The following BICDL1 variants were observed in gnomAD, a reference collection of about 807,000 sequenced individuals.
BICDL1 encodes the protein BICD family like cargo adaptor 1.
BICDL1 carries 20 observed loss-of-function variants against 76.8 expected under a neutral mutation model. That is an observed-to-expected ratio of 0.26 (90% CI 0.18 to 0.38). The LOEUF is 0.38. Among genes scored for constraint, BICDL1 ranks in the 10% least tolerant of loss-of-function variants. BICDL1 has a pLI of 1.00. For synonymous variants in BICDL1, 383 were observed against 337.1 expected (o/e 1.14, Z -1.49); for missense variants, 700 against 798.6 (o/e 0.88, Z 1.49).
Position 120,055,963 on chromosome 12 carries a change from A to G in BICDL1, c.646-5747A>G, listed in dbSNP as rs376255989. ...CAAGCACAAAGATGGGTGAACAAAG[A>G]TATTTTTTGGAGCAATGTTCATAAT... On this transcript the variant is annotated intron_variant, in intron 2 of 9. Coordinates refer to ENST00000548673, the MANE Select transcript of BICDL1 (RefSeq NM_001367886.1). Among the ~76,000 whole-genome samples the G allele has an allele frequency of 5.9e-4, 90 of 152,340 alleles. 2 individuals carry two copies. The South Asian group carries it at 0.016, about 28-fold the overall frequency.
rs77714311 is a variant in BICDL1, at chr12:120,040,987, T to G, written c.646-20723T>G. On this transcript the variant is annotated intron_variant, in intron 2 of 9. Coordinates refer to ENST00000548673, the MANE Select transcript of BICDL1 (RefSeq NM_001367886.1). ...GTCTCAAACTCCTGACCTCAAGTCATCCACCTGTCTCACCCTCCCAAAGTG... is the reference window on the plus strand; with the variant it reads ...GTCTCAAACTCCTGACCTCAAGTCAGCCACCTGTCTCACCCTCCCAAAGTG... 2.8e-4 allele frequency among the ~76,000 whole-genome samples: 42 copies of G among 152,224 alleles called. No individual in the cohort carries two copies. The East Asian group carries it at 6.8e-3, about 24-fold the overall frequency.
At chr12:120,051,282 G>A (rs1173203180) in intron 2 of BICDL1, among the ~76,000 whole-genome samples, 2 of 152,074 alleles carry the variant, frequency 1.3e-5, no homozygotes, top group African/African-American at 2.4e-5. Context: ...TCCTGACTTC[G>A]TGATCTGCCT....
intron 2 of BICDL1, among the ~76,000 whole-genome samples, chr12:120,006,185 G>A (rs1397218317): frequency 6.6e-6 from 1 of 152,170 alleles, no homozygotes; most frequent in African/African-American, 2.4e-5. Flanking sequence ...ATCATGGAAT[G>A]GTGCCTGGAG....
intron 4 of BICDL1, 72 bp downstream of exon 4, chr12:120,064,951 C>T: frequency 6.6e-7 from 1 of 1,503,996 alleles, no homozygotes; most frequent in South Asian, 1.3e-5. Flanking sequence ...AAAGAAAAGG[C>T]TGGGAGGCCA....
chr12:120,084,955 C>T (rs900096484), intron 8 of BICDL1, among the ~76,000 whole-genome samples: 1 of 151,764 alleles, frequency 6.6e-6, no homozygotes, highest in Non-Finnish European at 1.5e-5. Flanking sequence ...CCCCTCCCTT[C>T]TGTTCTCTTT....
In BICDL1 at chr12:120,040,089, TTTTTC is replaced by T. The variant is rs548426958; in HGVS notation, c.646-21606_646-21602del. On this transcript the variant is annotated intron_variant, in intron 2 of 9. Transcript: ENST00000548673. ...TCTAAACTCTGTTATTCCATATTTC[TTTTTC>T]TTTTCTTTTCTTTTTTTTGTTCTTC... Among the ~76,000 whole-genome samples the T allele has an allele frequency of 8.5e-3, 1,295 of 152,182 alleles. 17 individuals are homozygous for T. The highest frequency in any genetic ancestry group is 0.029 in the African/African-American group (1,208 of 41,510).
chr12:120,073,816 ATGTGATGG>A (rs771514796), intron 6 of BICDL1, among the ~76,000 whole-genome samples: 2 of 152,248 alleles, frequency 1.3e-5, no homozygotes, highest in Admixed American at 6.5e-5. Flanking sequence ...AGCTGTCAGA[ATGTGATGG>A]TGTGCTATTC....
intron 2 of BICDL1, among the ~76,000 whole-genome samples, chr12:120,001,473 C>T (rs1481519365): frequency 6.6e-6 from 1 of 152,126 alleles, no homozygotes; most frequent in East Asian, 1.9e-4. Flanking sequence ...GTCTCGATCT[C>T]CTGACCTTGT....
intron 7 of BICDL1, among the ~76,000 whole-genome samples, chr12:120,078,631 A>G (rs1228931999): frequency 6.6e-6 from 1 of 152,154 alleles, no homozygotes; most frequent in East Asian, 1.9e-4. Flanking sequence ...AGTTATTTTT[A>G]TTTCCGCTTA....
chr12:120,088,092 C>T (rs919026239), intron 8 of BICDL1, among the ~76,000 whole-genome samples: 4 of 152,088 alleles, frequency 2.6e-5, no homozygotes, highest in Admixed American at 6.5e-5. Flanking sequence ...CCACCACGCC[C>T]GGCAAATTTT....
chr12:120,061,630 T>G, intron 2 of BICDL1, 80 bp from the exon 3 acceptor site: 1 of 951,786 alleles, frequency 1.1e-6, no homozygotes, highest in Non-Finnish European at 1.7e-6. Context: ...AAAGAGATGC[T>G]TGATAAATGA....
At chr12:120,004,113 C>T (rs74738126) in intron 2 of BICDL1, among the ~76,000 whole-genome samples, 3,520 of 152,234 alleles carry the variant, frequency 0.023, 144 homozygotes, top group African/African-American at 0.081. Context: ...CACTGTGCAG[C>T]CCTGATGGCT....
At chr12:120,003,959 C>T (rs1006605740) in intron 2 of BICDL1, among the ~76,000 whole-genome samples, 1 of 152,182 alleles carries the variant, frequency 6.6e-6, no homozygotes, top group African/African-American at 2.4e-5. Context: ...AAAGAACTCC[C>T]TGTCTGCAAC....
Position 120,074,536 on chromosome 12 carries a change from A to G in BICDL1, c.1402A>G (p.Arg468Gly), listed in dbSNP as rs1873383954. The G allele has an allele frequency of 1.2e-5, 15 of 1,276,392 alleles. No homozygotes were observed. The highest frequency in any genetic ancestry group is 1.5e-5 in the African/African-American group (1 of 65,276). 79.1% of individuals were successfully genotyped at this position (1,276,392 alleles called of 1,614,324 possible). A position where few individuals can be genotyped will look rare whatever the true frequency, so the allele number is the denominator to read the frequency against. Reference protein sequence around the residue: ...RALRELMEGERGKLRQSLEEL... With the variant: ...RALRELMEGEGGKLRQSLEEL... ...CCTAAGGGAGCTCATGGAGGGAGAG[A>G]GGGGTAAACTGAGGCAAAGCCTAGA... The change falls in exon 7 of 10, where the codon AGG becomes GGG. Residue 468 changes from arginine to glycine, a missense_variant. By Grantham distance (125) the Arg-to-Gly change is moderately radical (BLOSUM62 -2). This residue lies in a region of BICDL1 where 455 missense variants were observed against 548.7 expected (regional missense o/e 0.83). Coordinates refer to ENST00000548673, the MANE Select transcript of BICDL1 (RefSeq NM_001367886.1).
chr12:120,031,781 T>C (rs1016662850), intron 2 of BICDL1, among the ~76,000 whole-genome samples: 1 of 152,194 alleles, frequency 6.6e-6, no homozygotes, highest in Non-Finnish European at 1.5e-5. Context: ...TTATGTCTAC[T>C]GTCTTGACAG....
intron 2 of BICDL1, among the ~76,000 whole-genome samples, chr12:120,051,594 GCGTTT>G (rs1952861249): frequency 6.6e-6 from 1 of 151,984 alleles, no homozygotes; most frequent in South Asian, 2.1e-4. Context: ...AAGAGGATTT[GCGTTT>G]TCTTCTGTTA....
intron 2 of BICDL1, among the ~76,000 whole-genome samples, chr12:120,041,232 G>A (rs763866940): frequency 1.3e-5 from 2 of 152,068 alleles, no homozygotes; most frequent in Non-Finnish European, 2.9e-5. Context: ...ATAGTTAGGG[G>A]CAAGGGCCAA....
rs1179961759 is a variant in BICDL1, at chr12:119,997,267, C to T, written c.430-1254C>T. 2.0e-5 allele frequency among the ~76,000 whole-genome samples: 3 copies of T among 152,146 alleles called. No individual in the cohort carries two copies. The East Asian group carries it at 5.8e-4, about 30-fold the overall frequency. The stretch of plus-strand genomic sequence containing the variant: ...GGCCACAAAAAGATGTTTTTATTTC[C>T]CTCAATCCAAAGAAATCTTGTTTTA... On this transcript the variant is annotated intron_variant, in intron 1 of 9. Transcript: ENST00000548673.
intron 2 of BICDL1, chr12:119,999,747 T>G (rs765844133): frequency 2.3e-6 from 1 of 439,888 alleles, no homozygotes; most frequent in Non-Finnish European, 4.5e-6. Context: ...GGTCTATAAA[T>G]CCATCTATTT....
Sources: allele counts gnomAD v4.1 joint callset (sites outside exome capture counted in the v4.1 genomes callset), GRCh38; gene constraint gnomAD v4.1.1; regional missense constraint gnomAD v4.1.1; transcripts MANE v1.5; gene names NCBI Gene and HGNC (gene_info 2026-07-23, HGNC 2026-07-21).